DMD: variants seen among roughly 807,000 people sequenced by gnomAD.
The protein encoded by DMD is dystrophin.
In DMD, 63 loss-of-function variants were observed where a neutral mutation model predicts 330.1. That is an observed-to-expected ratio of 0.19 (90% confidence interval 0.16 to 0.24). DMD has a LOEUF of 0.24. Among genes scored for constraint, DMD ranks in the 10% least tolerant of loss-of-function variants. The probability of loss-of-function intolerance (pLI) is 1.00; values close to 1 mark genes in which losing one functional copy is unlikely to be tolerated. For synonymous variants in DMD, 1,223 were observed against 959.8 expected (o/e 1.27, Z -5.07); for missense variants, 3,344 against 2,684.1 (o/e 1.25, Z -5.43).
intron 44 of DMD, among the ~76,000 whole-genome samples, chrX:32,173,234 A>AT (rs2096894610): frequency 9.1e-6 from 1 of 110,080 alleles, no homozygotes; most frequent in African/African-American, 3.3e-5. Context: ...GTACAGTAGT[A>AT]TCCCAAGAGA....
intron 54 of DMD, among the ~76,000 whole-genome samples, chrX:31,652,553 G>A (rs2148582477): frequency 9.0e-6 from 1 of 111,401 alleles, no homozygotes; most frequent in Non-Finnish European, 1.9e-5. Context: ...TTCTTACTAC[G>A]CACTAGGCAT....
intron 1 of DMD, among the ~76,000 whole-genome samples, chrX:33,045,341 A>ACACACACACAC (rs1569551363): frequency 1.3e-3 from 28 of 21,265 alleles, no homozygotes; most frequent in African/African-American, 3.6e-3. Flanking sequence ...CACACACACA[A>ACACACACACAC]GTATTTCGTG....
chrX:32,487,176 A>C (rs1281493426), intron 20 of DMD, among the ~76,000 whole-genome samples: 1 of 111,774 alleles, frequency 8.9e-6, no homozygotes, highest in Non-Finnish European at 1.9e-5. Flanking sequence ...CAACCCCATC[A>C]AAAAGTGGGC....
chrX:32,721,542 A>T (rs766756101), intron 7 of DMD, among the ~76,000 whole-genome samples: 2 of 110,575 alleles, frequency 1.8e-5, no homozygotes, highest in Admixed American at 1.9e-4. Flanking sequence ...CAATTTTTTA[A>T]TTGGGTTATT....
At position 31,321,607 on chromosome X, in the gene DMD, A is replaced by AAAAAAAAGAAAG. The variant is rs1388525572; in HGVS notation, c.9224+1990_9224+1991insCTTTCTTTTTTT. ...TCAAAAAAAAAAAAAAAAAAAAAAA[A>AAAAAAAAGAAAG]AAAGAAAGAAACCAAGATTTTTATA... On this transcript the variant is annotated intron_variant, in intron 62 of 78. Transcript: ENST00000357033. Among the ~76,000 whole-genome samples, 486 of 88,925 alleles carry AAAAAAAAGAAAG rather than the reference A, an allele frequency of 5.5e-3. 7 individuals carry two copies. The highest frequency in any genetic ancestry group is 8.9e-3 in the Non-Finnish European group (432 of 48,528). 77.2% of individuals were successfully genotyped at this position (88,925 alleles called of 115,157 possible).
chrX:32,994,777 A>T (rs1323675498), intron 2 of DMD, among the ~76,000 whole-genome samples: 1 of 112,163 alleles, frequency 8.9e-6, no homozygotes, highest in African/African-American at 3.2e-5. Context: ...CATAGATTAA[A>T]ATATCACATT....
At chrX:31,692,633 A>C (rs2083201946) in intron 52 of DMD, among the ~76,000 whole-genome samples, 1 of 111,725 alleles carries the variant, frequency 9.0e-6, no homozygotes, top group Admixed American at 9.5e-5. Context: ...ACTACGATGA[A>C]CAATTATATA....
chrX:32,611,555 A>G (rs2057172679), intron 12 of DMD, among the ~76,000 whole-genome samples: 1 of 111,913 alleles, frequency 8.9e-6, no homozygotes, highest in African/African-American at 3.2e-5. Context: ...AGAAAAAACT[A>G]CAAAACATTT....
chrX:32,873,147 C>G lies in DMD; in HGVS notation c.94-23327G>C, dbSNP rs577023076. Among the ~76,000 whole-genome samples, 83 of 111,172 alleles carry G rather than the reference C, an allele frequency of 7.5e-4. 1 individual carries two copies. The highest frequency in any genetic ancestry group is 2.4e-3 in the African/African-American group (73 of 30,612). ...GGTCATATAACCCAGGCCTGTAGGT[C>G]CTCAGGACACATGGCATTTCATCAC... On this transcript the variant is annotated intron_variant, in intron 2 of 78. Transcript: ENST00000357033.
At chrX:32,304,430 T>C (rs2097533640) in intron 42 of DMD, among the ~76,000 whole-genome samples, 1 of 110,737 alleles carries the variant, frequency 9.0e-6, no homozygotes, top group African/African-American at 3.3e-5. Context: ...GATAAAATAA[T>C]GGTTGGGGAT....
At chrX:32,774,342 C>G (rs1239541076) in intron 7 of DMD, among the ~76,000 whole-genome samples, 1 of 112,078 alleles carries the variant, frequency 8.9e-6, no homozygotes, top group Admixed American at 9.5e-5. Context: ...GTCAATTACA[C>G]TGAAACACTG....
At chrX:31,480,810 G>A (rs900224795) in intron 57 of DMD, among the ~76,000 whole-genome samples, 52 of 111,410 alleles carry the variant, frequency 4.7e-4, no homozygotes, top group Non-Finnish European at 4.5e-4. Flanking sequence ...ATGCAAAACA[G>A]CCCTTTCTAT....
At chrX:32,210,913 T>G (rs1297093505) in intron 44 of DMD, among the ~76,000 whole-genome samples, 1 of 111,848 alleles carries the variant, frequency 8.9e-6, no homozygotes, top group Non-Finnish European at 1.9e-5. Context: ...TCTCAAACTT[T>G]TGAGCAGGAG....
chrX:32,427,973 T>C (rs2098219927), intron 29 of DMD, among the ~76,000 whole-genome samples: 1 of 111,494 alleles, frequency 9.0e-6, no homozygotes, highest in African/African-American at 3.3e-5. Context: ...CCTTAAGATT[T>C]TATATTTGTT....
chrX:31,157,497 C>T (rs1292281400), intron 74 of DMD, among the ~76,000 whole-genome samples: 1 of 111,938 alleles, frequency 8.9e-6, no homozygotes, highest in Non-Finnish European at 1.9e-5. Context: ...GTGAAGAACT[C>T]TAGTCCTCAG....
chrX:31,299,630 G>A (rs1173517819), intron 62 of DMD, among the ~76,000 whole-genome samples: 1 of 109,994 alleles, frequency 9.1e-6, no homozygotes, highest in Non-Finnish European at 1.9e-5. Context: ...ACAAAAATTA[G>A]CTGGGTATGG....
intron 2 of DMD, among the ~76,000 whole-genome samples, chrX:32,961,650 A>G (rs1162292980): frequency 8.9e-6 from 1 of 111,827 alleles, no homozygotes; most frequent in East Asian, 2.8e-4. Context: ...TTTAAAATAA[A>G]AAACACTATG....
At chrX:32,891,880 A>C (rs1320017053) in intron 2 of DMD, among the ~76,000 whole-genome samples, 2 of 111,473 alleles carry the variant, frequency 1.8e-5, no homozygotes, top group Non-Finnish European at 3.8e-5. Flanking sequence ...TCCCCAGCCT[A>C]ATCATTTTTT....
At chrX:32,396,602 T>G (rs1174672247) in intron 30 of DMD, among the ~76,000 whole-genome samples, 1 of 108,865 alleles carries the variant, frequency 9.2e-6, no homozygotes, top group Non-Finnish European at 1.9e-5. Context: ...TTTGTAGATG[T>G]TATCCTTTTG....
Sources: allele counts gnomAD v4.1 joint callset (sites outside exome capture counted in the v4.1 genomes callset), GRCh38; gene constraint gnomAD v4.1.1; transcripts MANE v1.5; gene names NCBI Gene and HGNC (gene_info 2026-07-23, HGNC 2026-07-21).